The following ZFHX3 variants were observed in gnomAD, a reference collection of about 807,000 sequenced individuals.
ZFHX3 encodes zinc finger homeobox 3, also known as zinc finger homeobox protein 3.
Under a neutral mutation model 279.1 loss-of-function variants are expected in ZFHX3, and 42 were observed. The ratio of observed to expected loss-of-function variants is 0.15; its 90% CI spans 0.12 to 0.19. The LOEUF (loss-of-function observed/expected upper bound fraction) is 0.19. Ranked by LOEUF, ZFHX3 falls within the 10% of genes least tolerant of loss-of-function variation. The pLI is 1.00. For synonymous variants in ZFHX3, 2,293 were observed against 1,957.8 expected (o/e 1.17, Z -4.52); for missense variants, 4,981 against 4,754.0 (o/e 1.05, Z -1.40).
intron 7 of ZFHX3, among the ~76,000 whole-genome samples, chr16:73,126,460 G>A (rs1354337103): frequency 6.6e-6 from 1 of 152,120 alleles, no homozygotes; most frequent in East Asian, 1.9e-4. Context: ...GGGGACTGAA[G>A]AAACAGAAAC....
intron 5 of ZFHX3, among the ~76,000 whole-genome samples, chr16:73,221,880 C>T (rs1404316741): frequency 2.6e-5 from 4 of 151,998 alleles, no homozygotes; most frequent in Non-Finnish European, 4.4e-5. Flanking sequence ...CTTTCCATAC[C>T]TTTAAGTATC....
At chr16:73,122,985 C>T (rs565547693) in intron 7 of ZFHX3, among the ~76,000 whole-genome samples, 15 of 152,168 alleles carry the variant, frequency 9.9e-5, no homozygotes, top group African/African-American at 3.4e-4. Flanking sequence ...CTCCCTCATG[C>T]TACGTTTTAA....
chr16:73,403,784 A>G (rs2017305487), intron 3 of ZFHX3, among the ~76,000 whole-genome samples: 2 of 152,194 alleles, frequency 1.3e-5, no homozygotes, highest in South Asian at 4.1e-4. Flanking sequence ...CCGGATTGTG[A>G]GGCCTGTCAA....
chr16:72,962,890 C>G (rs552124799), intron 1 of ZFHX3, among the ~76,000 whole-genome samples: 2 of 151,940 alleles, frequency 1.3e-5, no homozygotes, highest in Admixed American at 6.6e-5. Flanking sequence ...GAGGGGGACG[C>G]GCGCACAGAG....
intron 4 of ZFHX3, among the ~76,000 whole-genome samples, chr16:72,851,388 T>C (rs1348630308): frequency 6.6e-6 from 1 of 152,172 alleles, no homozygotes; most frequent in African/African-American, 2.4e-5. Context: ...CATCAGCCAC[T>C]CAACACCACG....
intron 2 of ZFHX3, among the ~76,000 whole-genome samples, chr16:73,613,856 G>GCCTGAAATGTAACGCTAAATGTTA (rs2052272351): frequency 6.6e-6 from 1 of 152,200 alleles, no homozygotes; most frequent in African/African-American, 2.4e-5. Context: ...TCCTGCTGCT[G>GCCTGAAATGTAACGCTAAATGTTA]CGGCAGGGGG....
intron 4 of ZFHX3, among the ~76,000 whole-genome samples, chr16:72,867,269 C>T (rs2038045273): frequency 6.6e-6 from 1 of 152,200 alleles, no homozygotes; most frequent in Admixed American, 6.5e-5. Flanking sequence ...TATGTGATTA[C>T]TCTGAGTGGT....
At chr16:72,997,031 C>T (rs1285157377) in intron 1 of ZFHX3, among the ~76,000 whole-genome samples, 4 of 152,112 alleles carry the variant, frequency 2.6e-5, no homozygotes, top group Non-Finnish European at 5.9e-5. Flanking sequence ...CCTGGTGCTC[C>T]GGAAAGAGAA....
At chr16:73,745,763 T>G (rs914532649) in intron 1 of ZFHX3, among the ~76,000 whole-genome samples, 1 of 152,166 alleles carries the variant, frequency 6.6e-6, no homozygotes, top group Non-Finnish European at 1.5e-5. Flanking sequence ...TCTGACCCAT[T>G]GGTGTTGGTG....
At chr16:73,473,362 A>C (rs1352724525) in intron 2 of ZFHX3, among the ~76,000 whole-genome samples, 36 of 58,474 alleles carry the variant, frequency 6.2e-4, no homozygotes, top group South Asian at 3.3e-3. Flanking sequence ...AAAAAACAAA[A>C]AAAAAAAAAA....
rs780802673 is a variant in ZFHX3 at position 72,811,793 on chromosome 16, C to G, written c.3664-16G>C. The stretch of plus-strand genomic sequence containing the variant: ...ACTGGTACATCTGTGGGGAACACAC[C>G]CACTGCTTTGAGCAACTGTGTGTGC... On this transcript the variant is annotated splice_polypyrimidine_tract_variant and intron_variant, in intron 6 of 9. Coordinates refer to ENST00000268489, the MANE Select transcript of ZFHX3 (RefSeq NM_006885.4). The G allele has an allele frequency of 4.3e-6, 7 of 1,609,608 alleles. No homozygotes were observed. The highest frequency in any genetic ancestry group is 5.9e-6 in the Non-Finnish European group (7 of 1,177,012).
At chr16:73,334,810 CTT>C (rs368597124) in intron 3 of ZFHX3, among the ~76,000 whole-genome samples, 855 of 57,806 alleles carry the variant, frequency 0.015, 6 homozygotes, top group African/African-American at 0.046. Flanking sequence ...CTTTCTCATT[CTT>C]TTTTTTTTTT....
intron 2 of ZFHX3, among the ~76,000 whole-genome samples, chr16:73,625,784 G>T (rs576865161): frequency 1.3e-5 from 2 of 152,190 alleles, no homozygotes; most frequent in African/African-American, 4.8e-5. Flanking sequence ...GCTGATGTTG[G>T]TGGTCCCAGA....
chr16:73,802,050 G>C (rs1690391763), intron 1 of ZFHX3, among the ~76,000 whole-genome samples: 2 of 152,196 alleles, frequency 1.3e-5, no homozygotes, highest in African/African-American at 2.4e-5. Context: ...CAGTGTGTCA[G>C]TCCTGTCAAA....
At chr16:73,556,596 A>T (rs558842354) in intron 2 of ZFHX3, among the ~76,000 whole-genome samples, 1 of 152,190 alleles carries the variant, frequency 6.6e-6, no homozygotes, top group African/African-American at 2.4e-5. Context: ...TGGGGTTTTC[A>T]GGGTGGCAGG....
At chr16:73,105,123 G>T (rs1240982774) in intron 7 of ZFHX3, among the ~76,000 whole-genome samples, 1 of 151,910 alleles carries the variant, frequency 6.6e-6, no homozygotes, top group African/African-American at 2.4e-5. Flanking sequence ...TTTTGTTGCT[G>T]GGCCAGGAGT....
At chr16:73,001,683 G>T (rs759295431) in intron 1 of ZFHX3, among the ~76,000 whole-genome samples, 1 of 151,922 alleles carries the variant, frequency 6.6e-6, no homozygotes, top group Non-Finnish European at 1.5e-5. Flanking sequence ...AGCCAAGTGT[G>T]GTGGCACATG....
intron 7 of ZFHX3, among the ~76,000 whole-genome samples, chr16:73,119,298 G>A (rs1966468148): frequency 6.6e-6 from 1 of 151,946 alleles, no homozygotes; most frequent in South Asian, 2.1e-4. Flanking sequence ...GTAGAGATGG[G>A]GCCCCACTAT....
chr16:73,785,974 G>A (rs145866846), intron 1 of ZFHX3, among the ~76,000 whole-genome samples: 24 of 152,102 alleles, frequency 1.6e-4, no homozygotes, highest in East Asian at 5.8e-4. Flanking sequence ...AGGTTCAAGC[G>A]ATTCTCCCAC....
Sources: allele counts gnomAD v4.1 joint callset (sites outside exome capture counted in the v4.1 genomes callset), GRCh38; gene constraint gnomAD v4.1.1; transcripts MANE v1.5; gene names NCBI Gene and HGNC (gene_info 2026-07-23, HGNC 2026-07-21).